The following LMTK2 variants were observed in gnomAD, a reference collection of about 807,000 sequenced individuals.
LMTK2 encodes serine/threonine-protein kinase LMTK2.
A neutral mutation model predicts 127.5 loss-of-function variants in LMTK2; 37 were observed. The observed-to-expected ratio is 0.29, with a 90% CI of 0.22 to 0.38. The LOEUF (loss-of-function observed/expected upper bound fraction) is 0.38, where lower values mean the gene tolerates loss of function less well. LMTK2 is among the 10% of genes least tolerant of loss of function. LMTK2 has a pLI of 1.00. For missense variants in LMTK2, 1,694 were observed against 1,920.3 expected, an observed-to-expected ratio of 0.88 and a Z score of 2.20; for synonymous variants, 819 against 810.1, an observed-to-expected ratio of 1.01 and a Z score of -0.19.
intron 11 of LMTK2, among the ~76,000 whole-genome samples, chr7:98,203,365 C>T (rs1797736281): frequency 6.6e-6 from 1 of 152,244 alleles, no homozygotes; most frequent in South Asian, 2.1e-4. Flanking sequence ...CAGAGGGCTG[C>T]TTCATGCCTC....
chr7:98,129,554 T>G (rs140523218), intron 1 of LMTK2, among the ~76,000 whole-genome samples: 276 of 151,892 alleles, frequency 1.8e-3, no homozygotes, highest in African/African-American at 6.3e-3. Flanking sequence ...TTTGTAGAGA[T>G]GATGTCTCAC....
At chr7:98,186,176 G>C (rs1182672704) in intron 8 of LMTK2, among the ~76,000 whole-genome samples, 1 of 151,576 alleles carries the variant, frequency 6.6e-6, no homozygotes, top group African/African-American at 2.4e-5. Context: ...CGATTCTCCT[G>C]CCTTAGCCTT....
chr7:98,140,145 TTC>T lies in LMTK2; in HGVS notation c.232-1250_232-1249del, dbSNP rs1464261898. ...TTCTTTCTTTCTTTCTTTCTTTCTT[TTC>T]TTTTCTTTTCTTTTCTTTTCTTTTC... On this transcript the variant is annotated intron_variant, in intron 2 of 13. Coordinates refer to ENST00000297293, the MANE Select transcript of LMTK2 (RefSeq NM_014916.4). Among the ~76,000 whole-genome samples, 13 of 6,174 alleles carry T rather than the reference TTC, an allele frequency of 2.1e-3. 4 individuals are homozygous for T. Among genetic ancestry groups the T allele is most frequent in the African/African-American group, 6.0e-3 (12 of 2,016 alleles). 4.1% of individuals were successfully genotyped at this position (6,174 alleles called of 152,430 possible).
chr7:98,191,688 C>G lies in LMTK2; in HGVS notation c.1223C>G (p.Thr408Ser), dbSNP rs762365036. ...GCTGAAGATGTGCACAGGCTGCTGA[C>G]TTACCTGCGGCTGCAGAGCCAGCGG... ...PAAEDVHRLL[T>S]YLRLQSQRDS... The change falls in exon 11 of 14, where the codon ACT becomes AGT. Residue 408 changes from threonine (T) to serine (S), a missense_variant. By Grantham distance (58) the Thr-to-Ser change is moderately conservative. Around this residue, in one of 8 missense-constraint regions of LMTK2, gnomAD observed 216 missense variants for 266.8 expected, o/e 0.81. Coordinates refer to ENST00000297293, the MANE Select transcript of LMTK2 (RefSeq NM_014916.4). 6.2e-7 allele frequency: 1 copy of G among 1,614,212 alleles called. No individual in the cohort carries two copies. The highest frequency in any genetic ancestry group is 1.3e-5 in the African/African-American group (1 of 75,062).
At chr7:98,113,261 T>G (rs1317800990) in intron 1 of LMTK2, among the ~76,000 whole-genome samples, 4 of 152,206 alleles carry the variant, frequency 2.6e-5, no homozygotes, top group Non-Finnish European at 5.9e-5. Flanking sequence ...TTTCCCCCTT[T>G]GCTTGGCACT....
chr7:98,138,900 T>A (rs924859525), intron 2 of LMTK2, among the ~76,000 whole-genome samples: 16 of 152,192 alleles, frequency 1.1e-4, no homozygotes, highest in African/African-American at 3.9e-4. Flanking sequence ...CCGCAGTGTC[T>A]TAGAGGACTC....
chr7:98,150,740 G>A (rs562512824), intron 3 of LMTK2, among the ~76,000 whole-genome samples: 1 of 152,308 alleles, frequency 6.6e-6, no homozygotes, highest in South Asian at 2.1e-4. Context: ...ATTTATGTAA[G>A]CCATACCATC....
At chr7:98,169,535 G>A (rs1476383803) in intron 6 of LMTK2, among the ~76,000 whole-genome samples, 3 of 152,232 alleles carry the variant, frequency 2.0e-5, no homozygotes, top group African/African-American at 4.8e-5. Flanking sequence ...TCGTGTGAGA[G>A]TAAGTTTTTC....
chr7:98,162,335 A>G lies in LMTK2; in HGVS notation c.657+2910A>G, dbSNP rs143261144. ...ATTGTACAGACATCTTTATGAAAAT[A>G]TAAGAAATACATCTGTTCTTTAACT... On this transcript the variant is annotated intron_variant, in intron 6 of 13. Coordinates refer to ENST00000297293, the MANE Select transcript of LMTK2 (RefSeq NM_014916.4). Among the ~76,000 whole-genome samples the G allele has an allele frequency of 5.6e-3, 854 of 152,380 alleles. 11 individuals carry two copies. The highest frequency in any genetic ancestry group is 0.02 in the African/African-American group (819 of 41,590).
At chr7:98,117,831 G>A (rs766566640) in intron 1 of LMTK2, among the ~76,000 whole-genome samples, 3 of 152,160 alleles carry the variant, frequency 2.0e-5, no homozygotes, top group African/African-American at 4.8e-5. Flanking sequence ...GCCAGGTGTG[G>A]TGGTGTGCGC....
At chr7:98,169,657 C>G (rs186460315) in intron 6 of LMTK2, among the ~76,000 whole-genome samples, 13 of 152,246 alleles carry the variant, frequency 8.5e-5, no homozygotes, top group Admixed American at 8.5e-4. Context: ...TATGGGCTAC[C>G]TTATGAAACT....
Position 98,193,682 on chromosome 7 carries a change from A to T in LMTK2, c.3217A>T (p.Ile1073Phe), listed in dbSNP as rs953391140. Reference sequence around the variant, plus strand: ...CAGCGGTCTGCCTCCCAACCCGGTCATTGTCATCTCAGATGCCGGCGATGG... The same window carrying T: ...CAGCGGTCTGCCTCCCAACCCGGTCTTTGTCATCTCAGATGCCGGCGATGG... ...GHSGLPPNPV[I>F]VISDAGDGHR... The change falls in exon 11 of 14, where the codon ATT becomes TTT. Residue 1073 changes from isoleucine to phenylalanine, a missense_variant. Physicochemically the swap from Ile to Phe is conservative, Grantham distance 21. This residue lies in a region of LMTK2 where 65 missense variants were observed against 116.5 expected (regional missense o/e 0.56). Transcript: ENST00000297293. The surrounding 1 kb of genome is among the most constrained non-coding windows in gnomAD (Gnocchi z 4.1). 1 of 1,613,574 alleles carries T rather than the reference A, an allele frequency of 6.2e-7. No homozygotes were observed.
chr7:98,127,697 G>A (rs1345358867), intron 1 of LMTK2, among the ~76,000 whole-genome samples: 1 of 152,164 alleles, frequency 6.6e-6, no homozygotes, highest in Non-Finnish European at 1.5e-5. Context: ...AACTAAAGGA[G>A]TGGAATTGGA....
At chr7:98,143,864 GATGGAA>G (rs925695028) in intron 3 of LMTK2, among the ~76,000 whole-genome samples, 2 of 152,162 alleles carry the variant, frequency 1.3e-5, no homozygotes, top group Non-Finnish European at 2.9e-5. Context: ...GGCAGGGTAA[GATGGAA>G]ACAGATTAAA....
intron 1 of LMTK2, among the ~76,000 whole-genome samples, chr7:98,116,557 T>C (rs1371146726): frequency 6.6e-6 from 1 of 151,210 alleles, no homozygotes; most frequent in South Asian, 2.1e-4. Flanking sequence ...CATTTATAGT[T>C]TTTTTTTTAT....
intron 9 of LMTK2, 99 bp downstream of exon 9, chr7:98,187,097 G>A: frequency 2.7e-6 from 3 of 1,115,380 alleles, no homozygotes; most frequent in Non-Finnish European, 2.6e-6. Context: ...TGTATAAGAT[G>A]TAGGAACAAA....
intron 3 of LMTK2, among the ~76,000 whole-genome samples, chr7:98,143,778 A>G (rs1796731120): frequency 6.6e-6 from 1 of 152,340 alleles, no homozygotes; most frequent in South Asian, 2.1e-4. Flanking sequence ...TTCCACTTTT[A>G]GTAATTTATC....
At chr7:98,187,062 G>C in intron 9 of LMTK2, 64 bp downstream of exon 9, 2 of 1,468,756 alleles carry the variant, frequency 1.4e-6, no homozygotes, top group South Asian at 2.5e-5. Flanking sequence ...CTTCCTCTTT[G>C]AGTACTTCCT....
chr7:98,151,107 G>T (rs1168831667), intron 3 of LMTK2, among the ~76,000 whole-genome samples: 1 of 152,132 alleles, frequency 6.6e-6, no homozygotes, highest in African/African-American at 2.4e-5. Flanking sequence ...CTAAGTAAAG[G>T]CCATTGGCCT....
Sources: gnomAD v4.1 joint callset for allele counts (sites outside exome capture counted in the v4.1 genomes callset) on GRCh38, gnomAD v4.1.1 for gene constraint, gnomAD v4.1.1 regional missense constraint, Gnocchi (gnomAD v3.1) non-coding constraint, MANE v1.5 for transcripts, NCBI Gene and HGNC (gene_info 2026-07-23, HGNC 2026-07-21) for gene names.